The following WDR33 variants were observed in gnomAD, a reference collection of about 807,000 sequenced individuals.
The protein encoded by WDR33 is WD repeat domain 33, also known as pre-mRNA 3' end processing protein WDR33.
A neutral mutation model predicts 164.9 loss-of-function variants in WDR33; 47 were observed. That is an observed-to-expected ratio of 0.29 (90% CI 0.23 to 0.36). WDR33 has a LOEUF of 0.36. Ranked by LOEUF, WDR33 falls within the 10% of genes least tolerant of loss-of-function variation. WDR33 has a pLI of 1.00. For synonymous variants in WDR33, 505 were observed against 589.0 expected, an observed-to-expected ratio of 0.86 and a Z score of 2.06; for missense variants, 1,137 against 1,754.1, an observed-to-expected ratio of 0.65 and a Z score of 6.28.
intron 1 of WDR33, among the ~76,000 whole-genome samples, chr2:127,781,053 G>C (rs948949156): frequency 6.6e-6 from 1 of 151,884 alleles, no homozygotes; most frequent in Non-Finnish European, 1.5e-5. Context: ...TAATAGAGAC[G>C]GGATTTCACC....
chr2:127,807,446 T>C (rs558692399), intron 1 of WDR33, among the ~76,000 whole-genome samples: 1 of 152,244 alleles, frequency 6.6e-6, no homozygotes, highest in South Asian at 2.1e-4. Flanking sequence ...AAGCACAGTT[T>C]TGCACGTATC....
rs191593641 is a variant in WDR33 at position 127,739,709 on chromosome 2, C to T, written c.725-12932G>A. ...ATTTTGAACATTCAATGAATAAAAGCTTTCATTGTGATCCAATCTCTGCCC... is the reference window on the plus strand; with the variant it reads ...ATTTTGAACATTCAATGAATAAAAGTTTTCATTGTGATCCAATCTCTGCCC... On this transcript the variant is annotated intron_variant, in intron 7 of 21. Transcript: ENST00000322313. Among the ~76,000 whole-genome samples the T allele has an allele frequency of 3.7e-3, 565 of 152,292 alleles. 4 individuals are homozygous for T. The highest frequency in any genetic ancestry group is 0.013 in the African/African-American group (531 of 41,562).
intron 1 of WDR33, among the ~76,000 whole-genome samples, chr2:127,787,468 C>A (rs1688625752): frequency 7.2e-6 from 1 of 138,250 alleles, no homozygotes; most frequent in African/African-American, 3.0e-5. Flanking sequence ...CCGGACGGGG[C>A]AGCTGGCCGG....
At chr2:127,776,400 G>GAA (rs1220397000) in intron 1 of WDR33, among the ~76,000 whole-genome samples, 3 of 152,174 alleles carry the variant, frequency 2.0e-5, no homozygotes, top group Non-Finnish European at 1.5e-5. Flanking sequence ...GGCAGTCAAG[G>GAA]CAAAATACCT....
In WDR33 at chr2:127,770,260, A is replaced by G. The variant is rs1189511901; in HGVS notation, c.204+518T>C. ...TTAATAATTTTTTAGAAGATGATAC[A>G]GGCACAGAATTTTATAAAGTATTAG... On this transcript the variant is annotated intron_variant, in intron 2 of 21. Transcript: ENST00000322313. The surrounding 1 kb of genome is among the most constrained non-coding windows in gnomAD (Gnocchi z 4.9). Among the ~76,000 whole-genome samples, 1 of 152,240 alleles carries G rather than the reference A, an allele frequency of 6.6e-6. No homozygotes were observed. The highest frequency in any genetic ancestry group is 1.5e-5 in the Non-Finnish European group (1 of 68,046).
chr2:127,776,407 A>G (rs534673728), intron 1 of WDR33, among the ~76,000 whole-genome samples: 1 of 152,288 alleles, frequency 6.6e-6, no homozygotes, highest in South Asian at 2.1e-4. Context: ...AAGGCAAAAT[A>G]CCTCCTGACT....
chr2:127,786,254 GGA>G (rs1688565388), intron 1 of WDR33, among the ~76,000 whole-genome samples: 1 of 152,120 alleles, frequency 6.6e-6, no homozygotes, highest in South Asian at 2.1e-4. Flanking sequence ...AGGCTAGTCT[GGA>G]ACTCCTAGGC....
intron 4 of WDR33, among the ~76,000 whole-genome samples, 180 bp from the exon 5 acceptor site, chr2:127,765,449 G>A (rs189301683): frequency 2.1e-4 from 32 of 152,260 alleles, no homozygotes; most frequent in Non-Finnish European, 3.2e-4. Flanking sequence ...ACTGTGCAAG[G>A]AAAGCTCTAG....
Position 127,711,709 on chromosome 2 carries a change from C to A in WDR33, c.3309-1853G>T, listed in dbSNP as rs1389524875. Among the ~76,000 whole-genome samples the A allele has an allele frequency of 3.5e-5, 5 of 144,160 alleles. No homozygotes were observed. In the East Asian group the frequency reaches 1.0e-3, roughly 29 times the overall value. The allele number at this position is 144,160 out of a possible 152,430, so 94.6% of individuals were successfully genotyped here. A position where few individuals can be genotyped will look rare whatever the true frequency, so the allele number is the denominator to read the frequency against. Reference sequence around the variant, plus strand: ...CATCAGCCTTGCTTTTCTCACCACCCCTGAGGGTGGGCTGGCCAACCCTAA... The same window carrying A: ...CATCAGCCTTGCTTTTCTCACCACCACTGAGGGTGGGCTGGCCAACCCTAA... On this transcript the variant is annotated intron_variant, in intron 18 of 21. Transcript: ENST00000322313.
chr2:127,711,780 A>ATATATATATATTTTTTTTTTTTTTTTTTT, intron 18 of WDR33, among the ~76,000 whole-genome samples: 2 of 88,308 alleles, frequency 2.3e-5, no homozygotes, highest in African/African-American at 1.3e-4. Flanking sequence ...ATATATATAT[A>ATATATATATATTTTTTTTTTTTTTTTTTT]TTTTTTTTTT....
intron 1 of WDR33, among the ~76,000 whole-genome samples, chr2:127,792,537 G>T (rs112274612): frequency 6.6e-6 from 1 of 151,738 alleles, no homozygotes; most frequent in African/African-American, 2.4e-5. Flanking sequence ...AGTGTGCAGT[G>T]TGCGCCTGTA....
intron 7 of WDR33, among the ~76,000 whole-genome samples, chr2:127,761,260 G>C (rs972438918): frequency 2.6e-5 from 4 of 151,770 alleles, no homozygotes; most frequent in Non-Finnish European, 5.9e-5. Context: ...AAGTGCAGTG[G>C]TGCAAACTCC....
intron 7 of WDR33, among the ~76,000 whole-genome samples, chr2:127,756,597 T>C (rs989911374): frequency 6.6e-6 from 1 of 152,114 alleles, no homozygotes; most frequent in African/African-American, 2.4e-5. Context: ...CTGAGATTTA[T>C]AAAAGAACAG....
chr2:127,729,816 T>C (rs926077352), intron 7 of WDR33, among the ~76,000 whole-genome samples: 1 of 152,236 alleles, frequency 6.6e-6, no homozygotes, highest in African/African-American at 2.4e-5. Flanking sequence ...TTTTAGCCTT[T>C]ACATCATTTT....
chr2:127,807,967 AAAAC>A (rs1031503286), intron 1 of WDR33, among the ~76,000 whole-genome samples: 130 of 152,296 alleles, frequency 8.5e-4, no homozygotes, highest in Admixed American at 1.8e-3. Context: ...CCTGTCTCAG[AAAAC>A]AAACAAACAA....
Position 127,722,460 on chromosome 2 carries a change from T to C in WDR33, c.1518+131A>G. 1.6e-6 allele frequency: 2 copies of C among 1,270,088 alleles called. No homozygotes were observed. The highest frequency in any genetic ancestry group is 4.7e-5 in the East Asian group (2 of 42,636). 78.7% of individuals were successfully genotyped at this position (1,270,088 alleles called of 1,614,324 possible). On this transcript the variant is annotated intron_variant, in intron 14 of 21. Coordinates refer to ENST00000322313, the MANE Select transcript of WDR33 (RefSeq NM_018383.5). The surrounding 1 kb of genome is among the most constrained non-coding windows in gnomAD (Gnocchi z 5.1). ...CAAAGCAGTAGATGAGAACCATGTCTAAGAGTACGTGAACATGGGAAAAAT... is the reference window on the plus strand; with the variant it reads ...CAAAGCAGTAGATGAGAACCATGTCCAAGAGTACGTGAACATGGGAAAAAT...
chr2:127,722,865 A>T lies in WDR33; in HGVS notation c.1378+93T>A, dbSNP rs1686473376. On this transcript the variant is annotated intron_variant, in intron 13 of 21. Transcript: ENST00000322313. This position sits in a 1 kb window ranked among gnomAD's most constrained non-coding sequence, Gnocchi z 5.1. ...ATTTTTATCAACATTTCTCAACATAAATCATTTTGGTATTTCAATATATTT... is the reference window on the plus strand; with the variant it reads ...ATTTTTATCAACATTTCTCAACATATATCATTTTGGTATTTCAATATATTT... 7.1e-7 allele frequency: 1 copy of T among 1,415,516 alleles called. No homozygotes were observed. 87.7% of individuals were successfully genotyped at this position (1,415,516 alleles called of 1,614,324 possible).
At position 127,707,529 on chromosome 2, in the gene WDR33, T is replaced by C. The variant is rs551591748; in HGVS notation, c.3782-977A>G. Among the ~76,000 whole-genome samples the C allele has an allele frequency of 3.0e-4, 45 of 152,354 alleles. 1 individual carries two copies. Among genetic ancestry groups the C allele is most frequent in the African/African-American group, 9.6e-4 (40 of 41,586 alleles). On this transcript the variant is annotated intron_variant, in intron 21 of 21. Transcript: ENST00000322313. ...CTACATCATTCCCATGCTAACTGCA[T>C]GTCCTTGACCAGAGGGACCTAATAA...
chr2:127,731,546 GAT>G (rs1178263358), intron 7 of WDR33, among the ~76,000 whole-genome samples: 1 of 152,070 alleles, frequency 6.6e-6, no homozygotes, highest in Non-Finnish European at 1.5e-5. Flanking sequence ...TATGTACAAA[GAT>G]ATTTACTGCA....
Sources: allele counts gnomAD v4.1 joint callset (sites outside exome capture counted in the v4.1 genomes callset), GRCh38; gene constraint gnomAD v4.1.1; non-coding constraint Gnocchi (gnomAD v3.1); transcripts MANE v1.5; gene names NCBI Gene and HGNC (gene_info 2026-07-23, HGNC 2026-07-21).